PARP8: variants seen among roughly 807,000 people sequenced by gnomAD.
PARP8 encodes the protein protein mono-ADP-ribosyltransferase PARP8.
In PARP8, 51 loss-of-function variants were observed where a neutral mutation model predicts 124.1. That is an observed-to-expected ratio of 0.41 (90% CI 0.33 to 0.52). The LOEUF (loss-of-function observed/expected upper bound fraction) is 0.52, where lower values mean the gene tolerates loss of function less well. Among genes scored for constraint, PARP8 ranks in the 20% least tolerant of loss-of-function variants. The pLI is 0.21. For synonymous variants in PARP8, 391 were observed against 361.5 expected, an observed-to-expected ratio of 1.08 and a Z score of -0.93; for missense variants, 860 against 1,018.9, an observed-to-expected ratio of 0.84 and a Z score of 2.12.
chr5:50,793,873 GT>G (rs1439201902), intron 10 of PARP8, among the ~76,000 whole-genome samples: 3 of 151,936 alleles, frequency 2.0e-5, no homozygotes, highest in Admixed American at 6.6e-5. Context: ...AGCTCAAGTT[GT>G]TGATCCTGAA....
intron 2 of PARP8, among the ~76,000 whole-genome samples, chr5:50,745,581 G>C (rs969817752): frequency 1.3e-5 from 2 of 152,156 alleles, no homozygotes; most frequent in African/African-American, 4.8e-5. Flanking sequence ...CTATTTGTCT[G>C]TCTTGAACTA....
intron 7 of PARP8, among the ~76,000 whole-genome samples, chr5:50,775,521 G>A (rs71615984): frequency 0.067 from 10,193 of 152,230 alleles, 384 homozygotes; most frequent in Middle Eastern, 0.11. Flanking sequence ...AGGCAGTACG[G>A]TCCAACCTCG....
intron 12 of PARP8, among the ~76,000 whole-genome samples, chr5:50,795,917 C>T (rs1742489570): frequency 6.6e-6 from 1 of 152,204 alleles, no homozygotes; most frequent in African/African-American, 2.4e-5. Flanking sequence ...TATCCCAGAG[C>T]CTCACTTAAA....
intron 21 of PARP8, among the ~76,000 whole-genome samples, chr5:50,828,733 A>G (rs111847322): frequency 2.0e-5 from 3 of 150,184 alleles, no homozygotes; most frequent in African/African-American, 7.3e-5. Flanking sequence ...TACAAATTAT[A>G]TATATATATA....
intron 2 of PARP8, among the ~76,000 whole-genome samples, chr5:50,739,795 G>C (rs914821767): frequency 7.2e-6 from 1 of 138,786 alleles, no homozygotes; most frequent in Non-Finnish European, 1.5e-5. Context: ...GAGTGAGGTG[G>C]CACGATCTTG....
At chr5:50,747,912 A>G (rs1758788545) in intron 2 of PARP8, among the ~76,000 whole-genome samples, 1 of 151,538 alleles carries the variant, frequency 6.6e-6, no homozygotes, top group Admixed American at 6.6e-5. Context: ...AGCTGGGACT[A>G]CAGGCGCCTG....
In PARP8 at chr5:50,799,681, C is replaced by T. The variant is rs183243864; in HGVS notation, c.1575+2448C>T. On this transcript the variant is annotated intron_variant, in intron 14 of 25. Transcript: ENST00000281631. ...CCATTGGCTATAGACTGGATGTGTT[C>T]CTCCCAGAATTCATACATTGAAATC... Among the ~76,000 whole-genome samples the T allele has an allele frequency of 3.2e-4, 49 of 152,250 alleles. 1 individual carries two copies. The East Asian group carries it at 6.9e-3, about 22-fold the overall frequency.
rs867912477 is a variant in PARP8 at position 50,700,156 on chromosome 5, C to G, written c.146+32031C>G. On this transcript the variant is annotated intron_variant, in intron 2 of 25. Coordinates refer to ENST00000281631, the MANE Select transcript of PARP8 (RefSeq NM_024615.4). ...CATTACTTGTCCTCTTTCCTTTATACCAAGGCCCAGAAGTGCCAGAATCAG... is the reference window on the plus strand; with the variant it reads ...CATTACTTGTCCTCTTTCCTTTATAGCAAGGCCCAGAAGTGCCAGAATCAG... Among the ~76,000 whole-genome samples the G allele has an allele frequency of 2.0e-5, 3 of 152,082 alleles. No homozygotes were observed. In the East Asian group the frequency reaches 5.8e-4, roughly 29 times the overall value.
intron 2 of PARP8, among the ~76,000 whole-genome samples, chr5:50,678,557 TATAG>T (rs1750900463): frequency 6.6e-6 from 1 of 152,176 alleles, no homozygotes; most frequent in Non-Finnish European, 1.5e-5. Context: ...GATAGATAAA[TATAG>T]ATATATGAGA....
rs577689138 is a variant in PARP8, at chr5:50,844,084, G to A, written c.*2016G>A. 11 of 151,844 alleles carry A rather than the reference G, an allele frequency of 7.2e-5. No individual in the cohort carries two copies. Among genetic ancestry groups the A allele is most frequent in the African/African-American group, 1.7e-4 (7 of 41,484 alleles). The allele number at this position is 151,844 out of a possible 1,614,324, so 9.4% of individuals were successfully genotyped here. ...ATAGTATTGGAGTCTGAACTGGAACGGTAACTCGTAAGACTCAAGAAAGAC... is the reference window on the plus strand; with the variant it reads ...ATAGTATTGGAGTCTGAACTGGAACAGTAACTCGTAAGACTCAAGAAAGAC... On this transcript the variant is annotated 3_prime_UTR_variant, in exon 26 of 26. Coordinates refer to ENST00000281631, the MANE Select transcript of PARP8 (RefSeq NM_024615.4).
chr5:50,744,949 T>C (rs768492006), intron 2 of PARP8: 21 of 550,290 alleles, frequency 3.8e-5, no homozygotes, highest in Non-Finnish European at 5.8e-5. Flanking sequence ...CTTTGTTCTT[T>C]CCACGTTTTT....
intron 2 of PARP8, among the ~76,000 whole-genome samples, chr5:50,732,720 GC>G (rs1757092564): frequency 1.3e-5 from 2 of 151,792 alleles, no homozygotes; most frequent in African/African-American, 4.8e-5. Context: ...CCGGGTTCAT[GC>G]CATTCTCCTG....
chr5:50,828,134 T>C, intron 20 of PARP8, 78 bp downstream of exon 20: 3 of 1,203,020 alleles, frequency 2.5e-6, no homozygotes, highest in Non-Finnish European at 3.7e-6. Context: ...TATCACTGTC[T>C]TTCAGTAAAT....
intron 20 of PARP8, 47 bp downstream of exon 20, chr5:50,828,103 T>A (rs1746543658): frequency 7.3e-7 from 1 of 1,373,292 alleles, no homozygotes; most frequent in African/African-American, 1.4e-5. Context: ...ATTAACATTT[T>A]CCAGAAATGT....
At chr5:50,718,807 C>T (rs747559908) in intron 2 of PARP8, among the ~76,000 whole-genome samples, 19 of 151,910 alleles carry the variant, frequency 1.3e-4, no homozygotes, top group Non-Finnish European at 2.4e-4. Flanking sequence ...TTTTGACATA[C>T]TGGTGTTCTT....
At chr5:50,671,993 G>C (rs543971274) in intron 2 of PARP8, among the ~76,000 whole-genome samples, 1 of 152,054 alleles carries the variant, frequency 6.6e-6, no homozygotes, top group Non-Finnish European at 1.5e-5. Flanking sequence ...AATAGCACGC[G>C]TGACACTAAT....
chr5:50,719,487 C>T (rs1011695932), intron 2 of PARP8, among the ~76,000 whole-genome samples: 4 of 151,862 alleles, frequency 2.6e-5, no homozygotes, highest in South Asian at 2.1e-4. Context: ...TAATTCATTT[C>T]GATTAGATTT....
intron 2 of PARP8, among the ~76,000 whole-genome samples, chr5:50,748,012 T>C (rs1027879343): frequency 6.6e-6 from 1 of 152,064 alleles, no homozygotes; most frequent in African/African-American, 2.4e-5. Context: ...ATTCAGTGTG[T>C]CTTGTTCCAT....
At chr5:50,753,064 G>A (rs1432978793) in intron 3 of PARP8, among the ~76,000 whole-genome samples, 2 of 151,964 alleles carry the variant, frequency 1.3e-5, no homozygotes, top group African/African-American at 4.8e-5. Flanking sequence ...TCATGATTAA[G>A]TGAAGAAATA....
Sources: allele counts gnomAD v4.1 joint callset (sites outside exome capture counted in the v4.1 genomes callset), GRCh38; gene constraint gnomAD v4.1.1; transcripts MANE v1.5; gene names NCBI Gene and HGNC (gene_info 2026-07-23, HGNC 2026-07-21).